The following CCDC91 variants were observed in gnomAD, a reference collection of about 807,000 sequenced individuals.
The protein encoded by CCDC91 is coiled-coil domain containing 91.
In CCDC91, 48 loss-of-function variants were observed where a neutral mutation model predicts 63.2. The ratio of observed to expected loss-of-function variants is 0.76; its 90% CI spans 0.60 to 0.97. CCDC91 has a LOEUF of 0.97. Among genes scored for constraint, CCDC91 ranks in the 50% least tolerant of loss-of-function variants. The pLI, the probability that CCDC91 is intolerant of heterozygous loss-of-function variation, is 0.00. For synonymous variants in CCDC91, 167 were observed against 165.8 expected, an observed-to-expected ratio of 1.01 and a Z score of -0.06; for missense variants, 500 against 494.6, an observed-to-expected ratio of 1.01 and a Z score of -0.10.
intron 6 of CCDC91, among the ~76,000 whole-genome samples, chr12:28,316,074 T>C (rs1175182624): frequency 6.6e-6 from 1 of 151,974 alleles, no homozygotes; most frequent in Non-Finnish European, 1.5e-5. Flanking sequence ...CAGTTTCTTG[T>C]TATATCCTGC....
At chr12:28,266,443 A>G (rs1424500517) in intron 3 of CCDC91, among the ~76,000 whole-genome samples, 8 of 152,134 alleles carry the variant, frequency 5.3e-5, no homozygotes, top group African/African-American at 1.9e-4. Flanking sequence ...TGTCTGTAAC[A>G]TGAATAGCTT....
chr12:28,537,257 G>GTTGTTTAATTTGTTTAATTTTTTTAA (rs1942251493), intron 12 of CCDC91, among the ~76,000 whole-genome samples: 9 of 152,160 alleles, frequency 5.9e-5, no homozygotes, highest in African/African-American at 1.9e-4. Context: ...GCCAATGCAA[G>GTTGTTTAATTTGTTTAATTTTTTTAA]TTAAACAAAT....
At chr12:28,451,642 A>G (rs1333899592) in intron 10 of CCDC91, among the ~76,000 whole-genome samples, 2 of 151,722 alleles carry the variant, frequency 1.3e-5, no homozygotes. Context: ...CAGTGAATCA[A>G]TATTTTTCAC....
intron 7 of CCDC91, among the ~76,000 whole-genome samples, chr12:28,387,154 T>C (rs1363155020): frequency 2.0e-5 from 3 of 152,214 alleles, no homozygotes; most frequent in Admixed American, 1.3e-4. Flanking sequence ...GTGGCTAGTA[T>C]CAATGTGTAT....
intron 1 of CCDC91, among the ~76,000 whole-genome samples, chr12:28,250,044 AAGG>A (rs1290650810): frequency 6.6e-6 from 1 of 152,046 alleles, no homozygotes; most frequent in Non-Finnish European, 1.5e-5. Context: ...ACATTTTTTG[AAGG>A]AGAAGATAAT....
intron 1 of CCDC91, among the ~76,000 whole-genome samples, chr12:28,192,468 C>T (rs1427013247): frequency 1.3e-5 from 2 of 152,146 alleles, no homozygotes; most frequent in Non-Finnish European, 2.9e-5. Flanking sequence ...CTTTGTCAAC[C>T]TGTTCCTTGT....
intron 2 of CCDC91, 59 bp from the exon 3 acceptor site, chr12:28,259,305 A>G (rs1946660086): frequency 8.1e-7 from 1 of 1,231,706 alleles, no homozygotes; most frequent in Non-Finnish European, 1.2e-6. Context: ...ATGCTTGATC[A>G]CTTAAATAGC....
At chr12:28,483,052 G>A (rs1308529866) in intron 11 of CCDC91, among the ~76,000 whole-genome samples, 1 of 151,890 alleles carries the variant, frequency 6.6e-6, no homozygotes, top group Non-Finnish European at 1.5e-5. Context: ...ATATATGTGT[G>A]TCTTTCTTTG....
intron 8 of CCDC91, among the ~76,000 whole-genome samples, chr12:28,395,519 A>G (rs1946234709): frequency 6.6e-6 from 1 of 152,072 alleles, no homozygotes; most frequent in Non-Finnish European, 1.5e-5. Flanking sequence ...GGCTCACAGA[A>G]CTCGGGGAAA....
intron 7 of CCDC91, among the ~76,000 whole-genome samples, chr12:28,382,307 T>A (rs1370574650): frequency 6.6e-6 from 1 of 151,554 alleles, no homozygotes; most frequent in African/African-American, 2.4e-5. Flanking sequence ...TAATAAATTT[T>A]AAAATATTTA....
At chr12:28,291,262 G>A (rs1475330898) in intron 3 of CCDC91, among the ~76,000 whole-genome samples, 1 of 152,180 alleles carries the variant, frequency 6.6e-6, no homozygotes, top group African/African-American at 2.4e-5. Flanking sequence ...TTGTTGAGAT[G>A]CTTGAAAAAG....
intron 2 of CCDC91, 132 bp from the exon 3 acceptor site, chr12:28,259,232 A>C: frequency 3.1e-6 from 2 of 655,228 alleles, no homozygotes; most frequent in Non-Finnish European, 5.5e-6. Context: ...ACTGAAAAGC[A>C]GTTATTTAGA....
chr12:28,369,996 G>T (rs1404349901), intron 7 of CCDC91, among the ~76,000 whole-genome samples: 1 of 152,176 alleles, frequency 6.6e-6, no homozygotes, highest in Non-Finnish European at 1.5e-5. Context: ...TATGGGAGGG[G>T]CTGCCATGAA....
chr12:28,353,801 C>T (rs987909823), intron 6 of CCDC91, among the ~76,000 whole-genome samples: 8 of 151,890 alleles, frequency 5.3e-5, no homozygotes, highest in African/African-American at 1.9e-4. Flanking sequence ...GTTACAATTA[C>T]CAAGATTTGA....
intron 1 of CCDC91, among the ~76,000 whole-genome samples, chr12:28,213,267 T>A (rs1488322625): frequency 6.6e-6 from 1 of 152,158 alleles, no homozygotes; most frequent in Non-Finnish European, 1.5e-5. Flanking sequence ...CCCCACCGAC[T>A]CCTCTTTGTT....
At chr12:28,272,130 A>G (rs1251167954) in intron 3 of CCDC91, among the ~76,000 whole-genome samples, 1 of 151,822 alleles carries the variant, frequency 6.6e-6, no homozygotes, top group East Asian at 1.9e-4. Flanking sequence ...ATTGAAGATA[A>G]TTGCTCTTTT....
At chr12:28,465,991 C>A (rs1255872736) in intron 11 of CCDC91, among the ~76,000 whole-genome samples, 1 of 151,974 alleles carries the variant, frequency 6.6e-6, no homozygotes, top group African/African-American at 2.4e-5. Context: ...TAAAAACAAT[C>A]AAGCAGAAAC....
chr12:28,267,284 A>C (rs1017852422), intron 3 of CCDC91, among the ~76,000 whole-genome samples: 2 of 151,542 alleles, frequency 1.3e-5, no homozygotes. Flanking sequence ...ACATAGTAAT[A>C]CTCCTTGCTT....
intron 12 of CCDC91, among the ~76,000 whole-genome samples, chr12:28,543,041 G>A (rs1942740239): frequency 6.6e-6 from 1 of 152,032 alleles, no homozygotes; most frequent in South Asian, 2.1e-4. Context: ...AAGGCTCTAA[G>A]GAAGTCTGTT....
Sources: gnomAD v4.1 joint callset for allele counts (sites outside exome capture counted in the v4.1 genomes callset) on GRCh38, gnomAD v4.1.1 for gene constraint, MANE v1.5 for transcripts, NCBI Gene and HGNC (gene_info 2026-07-23, HGNC 2026-07-21) for gene names.